The following UTRN variants were observed in gnomAD, a reference collection of about 807,000 sequenced individuals.
The protein encoded by UTRN is dystrophin-related protein 1.
Under a neutral mutation model 463.9 loss-of-function variants are expected in UTRN, and 283 were observed. That is an observed-to-expected ratio of 0.61 (90% CI 0.55 to 0.67). UTRN has a LOEUF of 0.67. Among genes scored for constraint, UTRN ranks in the 30% least tolerant of loss-of-function variants. UTRN has a pLI of 0.00. For missense variants in UTRN, 3,922 were observed against 4,084.3 expected, an observed-to-expected ratio of 0.96 and a Z score of 1.08; for synonymous variants, 1,442 against 1,431.5, an observed-to-expected ratio of 1.01 and a Z score of -0.17.
chr6:144,509,360 A>G (rs1794982296), intron 34 of UTRN, among the ~76,000 whole-genome samples: 1 of 151,944 alleles, frequency 6.6e-6, no homozygotes, highest in South Asian at 2.1e-4. Flanking sequence ...GATTTTATAT[A>G]TTCAATTTTT....
At chr6:144,697,172 A>G (rs1784105379) in intron 52 of UTRN, among the ~76,000 whole-genome samples, 1 of 152,180 alleles carries the variant, frequency 6.6e-6, no homozygotes, top group Non-Finnish European at 1.5e-5. Context: ...AATACAGTCA[A>G]TAAAAGTGTT....
intron 2 of UTRN, among the ~76,000 whole-genome samples, chr6:144,373,016 GA>G (rs1457082704): frequency 2.0e-5 from 3 of 152,160 alleles, no homozygotes; most frequent in Admixed American, 6.5e-5. Flanking sequence ...AAAATGGAAA[GA>G]AATACGTGTT....
chr6:144,547,364 T>A (rs1798509067), intron 46 of UTRN, among the ~76,000 whole-genome samples: 1 of 152,246 alleles, frequency 6.6e-6, no homozygotes, highest in Non-Finnish European at 1.5e-5. Flanking sequence ...CTCTTTGGAA[T>A]TCTTAACCAT....
chr6:144,514,678 A>G lies in UTRN; in HGVS notation c.5102A>G (p.Asn1701Ser). The change falls in exon 37 of 75, where the codon AAC (asparagine) becomes AGC (serine). Residue 1701 changes from asparagine to serine, a missense_variant. Asn to Ser is a conservative substitution (Grantham distance 46, BLOSUM62 1). This residue lies in a region of UTRN where 2,349 missense variants were observed against 2,303.8 expected (regional missense o/e 1.02). Coordinates refer to ENST00000367545, the MANE Select transcript of UTRN (RefSeq NM_007124.3). Reference protein sequence around the residue: ...KRLVSELDDANLQVENVRDQA... With the variant: ...KRLVSELDDASLQVENVRDQA... ...TTAGTATCTGAGCTGGATGATGCCA[A>G]CCTCCAGGTTGAAAATGTCCGCGAT... 3.7e-6 allele frequency: 6 copies of G among 1,614,078 alleles called. No homozygotes were observed. Among genetic ancestry groups the G allele is most frequent in the African/African-American group, 2.7e-5 (2 of 75,028 alleles).
rs746128691 is a variant in UTRN, at chr6:144,846,760, G to A, written c.10271-45G>A. 27 of 1,613,752 alleles carry A rather than the reference G, an allele frequency of 1.7e-5. No homozygotes were observed. In the Middle Eastern group the frequency reaches 1.5e-3, roughly 88 times the overall value. ...ATGCCTGAGAGTTGGAACCAACAAA[G>A]TAACAGGACTGCCATTAAGTGATTT... On this transcript the variant is annotated intron_variant, in intron 73 of 74. Transcript: ENST00000367545.
intron 54 of UTRN, among the ~76,000 whole-genome samples, chr6:144,737,303 G>A (rs1220171796): frequency 1.3e-5 from 2 of 152,182 alleles, no homozygotes; most frequent in Non-Finnish European, 2.9e-5. Flanking sequence ...TGGGTAAGTA[G>A]CAAAATGAAG....
intron 42 of UTRN, among the ~76,000 whole-genome samples, chr6:144,532,106 C>T (rs2128602218): frequency 6.6e-6 from 1 of 152,130 alleles, no homozygotes; most frequent in South Asian, 2.1e-4. Flanking sequence ...CACTGCACTC[C>T]AGCCTGGGTG....
intron 52 of UTRN, among the ~76,000 whole-genome samples, chr6:144,697,279 A>T (rs1357552757): frequency 1.3e-5 from 2 of 152,164 alleles, no homozygotes; most frequent in Non-Finnish European, 2.9e-5. Flanking sequence ...GCCCACAGAT[A>T]TGTTTGATAA....
chr6:144,731,682 G>A (rs936357531), intron 54 of UTRN, among the ~76,000 whole-genome samples: 8 of 152,122 alleles, frequency 5.3e-5, no homozygotes, highest in Admixed American at 2.6e-4. Flanking sequence ...ATGTGTGTGT[G>A]TATATACACA....
intron 2 of UTRN, among the ~76,000 whole-genome samples, chr6:144,301,698 C>T (rs1303652728): frequency 6.6e-6 from 1 of 151,904 alleles, no homozygotes; most frequent in Non-Finnish European, 1.5e-5. Flanking sequence ...CCATGCTTGG[C>T]TACTTTTTGT....
chr6:144,501,452 AT>A (rs1456179493), intron 34 of UTRN, among the ~76,000 whole-genome samples: 4 of 152,118 alleles, frequency 2.6e-5, no homozygotes, highest in African/African-American at 4.8e-5. Context: ...ATTTTTTTTC[AT>A]TTTTTTGAGC....
At chr6:144,406,356 C>CTTTTTTTT (rs57721924) in intron 3 of UTRN, among the ~76,000 whole-genome samples, 4 of 125,580 alleles carry the variant, frequency 3.2e-5, no homozygotes, top group Non-Finnish European at 4.9e-5. Flanking sequence ...TTTTTCTTTT[C>CTTTTTTTT]TTTTTTTTTT....
rs112547714 is a variant in UTRN, at chr6:144,487,697, G to A, written c.3972G>A (p.Leu1324=). The A allele has an allele frequency of 2.5e-6, 4 of 1,610,722 alleles. No homozygotes were observed. Among genetic ancestry groups the A allele is most frequent in the Non-Finnish European group, 2.5e-6 (3 of 1,178,132 alleles). The part of the protein sequence containing the change: ...FNSRYEDLSH[L]AESKQISLEK... Reference sequence around the variant, plus strand: ...GCCGATATGAAGATCTAAGTCACCTGGTAAGAGTTGGGACATACATGGGTG... The same window carrying A: ...GCCGATATGAAGATCTAAGTCACCTAGTAAGAGTTGGGACATACATGGGTG... Residue 1324 remains leucine, a splice_region_variant and synonymous_variant, in exon 29 of 75, where the codon CTG becomes CTA. Transcript: ENST00000367545.
chr6:144,292,415 C>T (rs555176572), intron 2 of UTRN, among the ~76,000 whole-genome samples: 77 of 152,268 alleles, frequency 5.1e-4, no homozygotes, highest in Middle Eastern at 3.4e-3. Context: ...ATCTAATAAA[C>T]CAGACTCAGA....
intron 51 of UTRN, among the ~76,000 whole-genome samples, chr6:144,601,073 A>G (rs1804196448): frequency 6.6e-6 from 1 of 152,220 alleles, no homozygotes; most frequent in African/African-American, 2.4e-5. Context: ...CCTACTGCTC[A>G]GAAAAAAAGA....
chr6:144,795,334 G>A (rs996624645), intron 63 of UTRN, among the ~76,000 whole-genome samples: 5 of 152,078 alleles, frequency 3.3e-5, no homozygotes, highest in Non-Finnish European at 7.4e-5. Context: ...GTAAACATAC[G>A]TGCGCATGTG....
At chr6:144,758,027 A>G in intron 58 of UTRN, 38 bp downstream of exon 58, 1 of 1,560,004 alleles carries the variant, frequency 6.4e-7, no homozygotes, top group Non-Finnish European at 8.8e-7. Flanking sequence ...ATACCAAGAA[A>G]ATCATGTTTT....
At chr6:144,768,394 G>A (rs1203798643) in intron 58 of UTRN, among the ~76,000 whole-genome samples, 1 of 152,026 alleles carries the variant, frequency 6.6e-6, no homozygotes, top group African/African-American at 2.4e-5. Context: ...AATTATACCA[G>A]GATGCTGATA....
At chr6:144,681,351 G>A (rs1465592124) in intron 52 of UTRN, among the ~76,000 whole-genome samples, 1 of 152,166 alleles carries the variant, frequency 6.6e-6, no homozygotes, top group Non-Finnish European at 1.5e-5. Flanking sequence ...AATACATAAG[G>A]AATGGTGAAG....
Sources: allele counts gnomAD v4.1 joint callset (sites outside exome capture counted in the v4.1 genomes callset), GRCh38; gene constraint gnomAD v4.1.1; regional missense constraint gnomAD v4.1.1; transcripts MANE v1.5; gene names NCBI Gene and HGNC (gene_info 2026-07-23, HGNC 2026-07-21).